TMEM183A: variants seen among roughly 807,000 people sequenced by gnomAD.
The protein encoded by TMEM183A is chromosome 1 open reading frame 37.
TMEM183A carries 21 observed loss-of-function variants against 46.7 expected under a neutral mutation model. The ratio of observed to expected loss-of-function variants is 0.45; its 90% CI spans 0.32 to 0.65. TMEM183A has a LOEUF of 0.65. Among genes scored for constraint, TMEM183A ranks in the 30% least tolerant of loss-of-function variants. The pLI, the probability that TMEM183A is intolerant of heterozygous loss-of-function variation, is 0.04. For synonymous variants in TMEM183A, 165 were observed against 180.2 expected (o/e 0.92, Z 0.68); for missense variants, 331 against 481.9 (o/e 0.69, Z 2.93).
Position 203,023,071 on chromosome 1 carries a change from C to T in TMEM183A, c.*31C>T, listed in dbSNP as rs371358801. ...GCTTCCCATCCCTTGGGGGCAGCCT[C>T]GAGTGTAGTCCATTAGTAATCAGAT... On this transcript the variant is annotated 3_prime_UTR_variant, in exon 8 of 8. Transcript: ENST00000367242. 2.6e-5 allele frequency: 34 copies of T among 1,301,398 alleles called. No homozygotes were observed. Among genetic ancestry groups the T allele is most frequent in the Middle Eastern group, 2.2e-4 (1 of 4,626 alleles). The allele number at this position is 1,301,398 out of a possible 1,614,324, so 80.6% of individuals were successfully genotyped here. A position where few individuals can be genotyped will look rare whatever the true frequency, so the allele number is the denominator to read the frequency against.
chr1:203,013,055 C>A lies in TMEM183A; in HGVS notation c.368-1834C>A, dbSNP rs1571608966. On this transcript the variant is annotated intron_variant, in intron 3 of 7. Coordinates refer to ENST00000367242, the MANE Select transcript of TMEM183A (RefSeq NM_138391.6). The surrounding 1 kb of genome is among the most constrained non-coding windows in gnomAD (Gnocchi z 4.0). ...AAATTTTAATAGTCGTTTGCCTTCT[C>A]TTTCAAAGAGAGAAGAGGTAATGTG... Among the ~76,000 whole-genome samples the A allele has an allele frequency of 1.3e-5, 2 of 152,202 alleles. No individual in the cohort carries two copies. Among genetic ancestry groups the A allele is most frequent in the Non-Finnish European group, 2.9e-5 (2 of 68,050 alleles).
chr1:203,022,914 T>C lies in TMEM183A; in HGVS notation c.1005T>C (p.Asp335=). The change falls in exon 8 of 8, where the codon GAT becomes GAC. Residue 335 remains aspartate (D), a synonymous_variant. Transcript: ENST00000367242. ...RHHRVRLVFQ[D]SPVHGGRKLR... is the part of the protein sequence containing the mutation. ...ATCGAGTGAGACTGGTGTTCCAAGATTCCCCTGTCCATGGTGGTCGGAAAC... is the reference window on the plus strand; with the variant it reads ...ATCGAGTGAGACTGGTGTTCCAAGACTCCCCTGTCCATGGTGGTCGGAAAC... 1 of 1,613,402 alleles carries C rather than the reference T, an allele frequency of 6.2e-7. No homozygotes were observed. Among genetic ancestry groups the C allele is most frequent in the South Asian group, 1.1e-5 (1 of 91,024 alleles).
intron 6 of TMEM183A, 65 bp downstream of exon 6, chr1:203,018,626 TCTTA>T: frequency 6.5e-7 from 1 of 1,545,104 alleles, no homozygotes; most frequent in South Asian, 1.2e-5. Flanking sequence ...TAGATATCTT[TCTTA>T]GTCTGTTTGT....
rs1246500002 is a variant in TMEM183A at position 203,013,678 on chromosome 1, AT to A, written c.368-1204del. The stretch of plus-strand genomic sequence containing the variant: ...AGGCAGCTGCCACCACGCCCGGCTA[AT>A]TTTTTTGTATTTTTTAGTAGAGAAG... On this transcript the variant is annotated intron_variant, in intron 3 of 7. Coordinates refer to ENST00000367242, the MANE Select transcript of TMEM183A (RefSeq NM_138391.6). The surrounding 1 kb of genome is among the most constrained non-coding windows in gnomAD (Gnocchi z 4.0). Among the ~76,000 whole-genome samples the A allele has an allele frequency of 6.7e-6, 1 of 150,258 alleles. No homozygotes were observed. Among genetic ancestry groups the A allele is most frequent in the Non-Finnish European group, 1.5e-5 (1 of 67,570 alleles).
rs1262033091 is a variant in TMEM183A at position 203,023,191 on chromosome 1, G to C, written c.*151G>C. 1.9e-6 allele frequency: 1 copy of C among 520,156 alleles called. No homozygotes were observed. Among genetic ancestry groups the C allele is most frequent in the Non-Finnish European group, 3.3e-6 (1 of 303,372 alleles). The allele number at this position is 520,156 out of a possible 1,614,324, so 32.2% of individuals were successfully genotyped here. On this transcript the variant is annotated 3_prime_UTR_variant, in exon 8 of 8. Coordinates refer to ENST00000367242, the MANE Select transcript of TMEM183A (RefSeq NM_138391.6). ...TCCTGTTAGGGGAGGGAGAAATGTT[G>C]AATCAAGAGGGAAAACAACTACTAT...
intron 3 of TMEM183A, among the ~76,000 whole-genome samples, chr1:203,012,147 A>ATC (rs1360620182): frequency 0.014 from 663 of 47,212 alleles, 52 homozygotes; most frequent in African/African-American, 0.047. Flanking sequence ...CCCCCACTCC[A>ATC]TCACACACAC....
At chr1:203,020,714 A>G (rs1169311264) in intron 6 of TMEM183A, 79 bp from the exon 7 acceptor site, 10 of 1,571,758 alleles carry the variant, frequency 6.4e-6, no homozygotes, top group Non-Finnish European at 7.8e-6. Flanking sequence ...TAGTTGAGCC[A>G]TAGGATTTTC....
Position 203,024,091 on chromosome 1 carries a change from T to TTATATA in TMEM183A, c.*1054_*1055insATATAT, listed in dbSNP as rs1657965750. The stretch of plus-strand genomic sequence containing the variant: ...TTTCCTTGAACTGTTAGAAGGGCAT[T>TTATATA]TATTAGGCTAAAACGTCATTAACAA... On this transcript the variant is annotated 3_prime_UTR_variant, in exon 8 of 8. Coordinates refer to ENST00000367242, the MANE Select transcript of TMEM183A (RefSeq NM_138391.6). 6.6e-6 allele frequency: 1 copy of TTATATA among 152,196 alleles called. No homozygotes were observed. The highest frequency in any genetic ancestry group is 1.5e-5 in the Non-Finnish European group (1 of 68,036). The allele number at this position is 152,196 out of a possible 1,614,324, so 9.4% of individuals were successfully genotyped here.
At chr1:203,022,482 C>G (rs1657790600) in intron 7 of TMEM183A, among the ~76,000 whole-genome samples, 1 of 152,124 alleles carries the variant, frequency 6.6e-6, no homozygotes, top group East Asian at 1.9e-4. Flanking sequence ...GTGGGCAGAT[C>G]ACTTGAGGTC....
chr1:203,015,889 A>G, intron 4 of TMEM183A, 71 bp from the exon 5 acceptor site: 1 of 1,554,946 alleles, frequency 6.4e-7, no homozygotes, highest in Admixed American at 1.8e-5. Context: ...AGAGACCAGG[A>G]GTCTTAGAAA....
intron 6 of TMEM183A, among the ~76,000 whole-genome samples, chr1:203,020,134 G>T (rs1657531219): frequency 6.6e-6 from 1 of 152,182 alleles, no homozygotes. Context: ...TTACAGATAA[G>T]TTTGTAATTA....
At chr1:203,015,758 T>C (rs559202902) in intron 4 of TMEM183A, 1 of 624,882 alleles carries the variant, frequency 1.6e-6, no homozygotes, top group African/African-American at 1.8e-5. Context: ...GGACTTCAAC[T>C]TTAAAAATGG....
At position 203,022,744 on chromosome 1, in the gene TMEM183A, T is replaced by TA. The variant is rs374647528; in HGVS notation, c.946-109dup. On this transcript the variant is annotated intron_variant, in intron 7 of 7. Transcript: ENST00000367242. ...GGTGTTTGTTTTATAATTTAGAGAT[T>TA]AATCTTGTGGCCTAGCCAGTATAAA... The TA allele has an allele frequency of 5.9e-4, 847 of 1,428,796 alleles. 3 individuals carry two copies. In the African/African-American group the frequency reaches 0.011, roughly 19 times the overall value. The allele number at this position is 1,428,796 out of a possible 1,614,324, so 88.5% of individuals were successfully genotyped here.
chr1:203,007,859 G>C lies in TMEM183A; in HGVS notation c.195G>C (p.Gln65His), dbSNP rs1311402660. The C allele has an allele frequency of 6.2e-7, 1 of 1,614,134 alleles. No individual in the cohort carries two copies. The highest frequency in any genetic ancestry group is 1.1e-5 in the South Asian group (1 of 91,082). The stretch of plus-strand genomic sequence containing the variant: ...AAGCCGTAGCCAACGCTGTTCAGCA[G>C]GAAGGTAAGCTTTGCGCGAGCCTTT... ...VKKAVANAVQ[Q>H]EVKSLCGLEA... Residue 65 changes from glutamine (Q) to histidine (H), a missense_variant, in exon 2 of 8, where the codon CAG (glutamine) becomes CAC (histidine). Gln to His is a conservative substitution (Grantham distance 24). Transcript: ENST00000367242.
intron 3 of TMEM183A, 63 bp from the exon 4 acceptor site, chr1:203,014,826 A>G (rs1391476711): frequency 3.3e-5 from 53 of 1,585,430 alleles, no homozygotes; most frequent in Non-Finnish European, 4.4e-5. Context: ...GGGAGAAATG[A>G]AATTATCGAG....
intron 7 of TMEM183A, 79 bp downstream of exon 7, chr1:203,021,027 CTT>C (rs869177251): frequency 0.067 from 45,774 of 679,614 alleles, no homozygotes; most frequent in East Asian, 0.1. Context: ...AACCGCAGCT[CTT>C]TTTTTTTTTT....
At chr1:203,015,076 A>G (rs771703336) in intron 4 of TMEM183A, 28 bp downstream of exon 4, 16 of 1,606,030 alleles carry the variant, frequency 1.0e-5, no homozygotes, top group Non-Finnish European at 1.3e-5. Flanking sequence ...TCACTCTTTT[A>G]TCTGTGTGGC....
rs966385011 is a variant in TMEM183A at position 203,013,181 on chromosome 1, T to A, written c.368-1708T>A. ...AAAAGATGATGATGTTTTAGACATATTGGGTCTCTGTTGTGAAGAACCTAA... is the reference window on the plus strand; with the variant it reads ...AAAAGATGATGATGTTTTAGACATAATGGGTCTCTGTTGTGAAGAACCTAA... On this transcript the variant is annotated intron_variant, in intron 3 of 7. Transcript: ENST00000367242. The surrounding 1 kb of genome is among the most constrained non-coding windows in gnomAD (Gnocchi z 4.0). Among the ~76,000 whole-genome samples, 6 of 152,308 alleles carry A rather than the reference T, an allele frequency of 3.9e-5. No individual in the cohort carries two copies. Among genetic ancestry groups the A allele is most frequent in the Admixed American group, 3.3e-4 (5 of 15,308 alleles).
intron 1 of TMEM183A, 77 bp downstream of exon 1, chr1:203,007,651 G>A: frequency 6.5e-7 from 1 of 1,531,142 alleles, no homozygotes; most frequent in East Asian, 2.4e-5. Context: ...GCCGAGGTGA[G>A]CGCTCGCGTG....
Sources: allele counts gnomAD v4.1 joint callset (sites outside exome capture counted in the v4.1 genomes callset), GRCh38; gene constraint gnomAD v4.1.1; non-coding constraint Gnocchi (gnomAD v3.1); transcripts MANE v1.5; gene names NCBI Gene and HGNC (gene_info 2026-07-23, HGNC 2026-07-21).